The following H2AZ1 variants were observed in gnomAD, a reference collection of about 807,000 sequenced individuals.
H2AZ1 encodes the protein histone H2A.Z.
A neutral mutation model predicts 16.6 loss-of-function variants in H2AZ1; 3 were observed. That is an observed-to-expected ratio of 0.18 (90% CI 0.08 to 0.47). The LOEUF is 0.47. Ranked by LOEUF, H2AZ1 falls within the 20% of genes least tolerant of loss-of-function variation. The pLI is 0.98. For missense variants in H2AZ1, 27 were observed against 163.6 expected (o/e 0.17, Z 4.55); for synonymous variants, 78 against 60.7 (o/e 1.28, Z -1.32).
chr4:99,949,433 T>C (rs759631334), intron 2 of H2AZ1, 47 bp from the exon 3 acceptor site: 10 of 1,260,694 alleles, frequency 7.9e-6, no homozygotes, highest in African/African-American at 1.5e-5. Flanking sequence ...AAATGAGAAC[T>C]AGAGATGGGG....
chr4:99,949,262 C>A lies in H2AZ1; in HGVS notation c.195+11G>T. On this transcript the variant is annotated intron_variant, in intron 3 of 4. Coordinates refer to ENST00000296417, the MANE Select transcript of H2AZ1 (RefSeq NM_002106.4). The stretch of plus-strand genomic sequence containing the variant: ...AAACCTTCTCCGGATTATAGGCGTT[C>A]ACCCATTTACCTCTGCGGTGAGGTA... 6.7e-7 allele frequency: 1 copy of A among 1,498,258 alleles called. No individual in the cohort carries two copies. Among genetic ancestry groups the A allele is most frequent in the South Asian group, 1.1e-5 (1 of 87,276 alleles). The allele number at this position is 1,498,258 out of a possible 1,614,324, so 92.8% of individuals were successfully genotyped here.
chr4:99,949,521 C>T (rs775600508), intron 2 of H2AZ1, 135 bp from the exon 3 acceptor site: 4 of 993,480 alleles, frequency 4.0e-6, no homozygotes, highest in Admixed American at 1.8e-5. Flanking sequence ...TCCTCCCCCC[C>T]ATATTTATCG....
intron 4 of H2AZ1, 118 bp downstream of exon 4, chr4:99,948,693 A>C: frequency 6.8e-7 from 1 of 1,460,886 alleles, no homozygotes; most frequent in South Asian, 1.4e-5. Flanking sequence ...TTCATGATAC[A>C]ACCATACTTC....
At chr4:99,950,094 A>T (rs1261972061) in intron 1 of H2AZ1, 74 bp downstream of exon 1, 2 of 1,482,832 alleles carry the variant, frequency 1.3e-6, no homozygotes. Flanking sequence ...CTTCACCCCC[A>T]TCCCTCTGTG....
chr4:99,948,586 C>T, intron 4 of H2AZ1, 63 bp from the exon 5 acceptor site: 3 of 1,597,390 alleles, frequency 1.9e-6, no homozygotes, highest in Non-Finnish European at 2.6e-6. Flanking sequence ...TATTTGAAAC[C>T]AAGAAAGTGT....
chr4:99,949,276 T>G lies in H2AZ1; in HGVS notation c.192A>C (p.Ala64=), dbSNP rs1190247338. The G allele has an allele frequency of 6.4e-7, 1 of 1,567,074 alleles. No homozygotes were observed. Among genetic ancestry groups the G allele is most frequent in the Non-Finnish European group, 8.8e-7 (1 of 1,138,552 alleles). ...YSAAILEYLT[A]EVLELAGNAS... ...TTATAGGCGTTCACCCATTTACCTC[T>G]GCGGTGAGGTACTCCAGGATGGCTG... The change falls in exon 3 of 5, where the codon GCA becomes GCC. Residue 64 remains alanine, a synonymous_variant. Coordinates refer to ENST00000296417, the MANE Select transcript of H2AZ1 (RefSeq NM_002106.4).
At chr4:99,949,099 C>T in intron 3 of H2AZ1, 159 bp from the exon 4 acceptor site, 1 of 678,468 alleles carries the variant, frequency 1.5e-6, no homozygotes, top group Non-Finnish European at 2.6e-6. Context: ...ATTCCAAGAG[C>T]AGAGAACTCA....
At chr4:99,950,111 G>T (rs915150357) in intron 1 of H2AZ1, 57 bp downstream of exon 1, 11 of 1,589,024 alleles carry the variant, frequency 6.9e-6, no homozygotes, top group Middle Eastern at 3.3e-4. Context: ...TGTGTAACGG[G>T]TTTTTCTCTC....
In H2AZ1 at chr4:99,949,711, T is replaced by A; in HGVS notation, c.33A>T (p.Gly11=). The part of the protein sequence containing the change: MAGGKAGKDS[G]KAKTKAVSRS... ...GGGAAACCGCCTTTGTCTTGGCCTTTCCGGAGTCCTTTCCAGCCTTACCGC... is the reference window on the plus strand; with the variant it reads ...GGGAAACCGCCTTTGTCTTGGCCTTACCGGAGTCCTTTCCAGCCTTACCGC... The change falls in exon 2 of 5, where the codon GGA becomes GGT. Residue 11 remains glycine, a synonymous_variant. Coordinates refer to ENST00000296417, the MANE Select transcript of H2AZ1 (RefSeq NM_002106.4). The A allele has an allele frequency of 1.2e-6, 2 of 1,613,714 alleles. No individual in the cohort carries two copies. The highest frequency in any genetic ancestry group is 1.7e-6 in the Non-Finnish European group (2 of 1,179,852).
chr4:99,949,454 C>A (rs572916303), intron 2 of H2AZ1, 68 bp from the exon 3 acceptor site: 1 of 1,124,306 alleles, frequency 8.9e-7, no homozygotes, highest in Non-Finnish European at 1.4e-6. Context: ...AAATTATATG[C>A]GCGCCAAAGC....
chr4:99,949,236 C>A (rs774965949), intron 3 of H2AZ1, 37 bp downstream of exon 3: 10 of 1,294,830 alleles, frequency 7.7e-6, no homozygotes, highest in Middle Eastern at 1.9e-4. Context: ...CCCCGCCCCC[C>A]AAACCTTCTC....
chr4:99,950,217 A>C lies in H2AZ1; in HGVS notation c.-47T>G, dbSNP rs761283253. 6.3e-7 allele frequency: 1 copy of C among 1,596,708 alleles called. No individual in the cohort carries two copies. Among genetic ancestry groups the C allele is most frequent in the South Asian group, 1.1e-5 (1 of 89,368 alleles). ...AGCAAGCAAGGCAGAGAAAAGGCTA[A>C]TCGGACCCACGGTGAGATCCCACCA... On this transcript the variant is annotated 5_prime_UTR_variant, in exon 1 of 5. Coordinates refer to ENST00000296417, the MANE Select transcript of H2AZ1 (RefSeq NM_002106.4).
chr4:99,949,154 T>C (rs2110233414), intron 3 of H2AZ1, 119 bp downstream of exon 3: 1 of 675,014 alleles, frequency 1.5e-6, no homozygotes, highest in Admixed American at 2.8e-5. Flanking sequence ...TCTAGCGTTC[T>C]CTTAGGCCTC....
intron 3 of H2AZ1, 27 bp downstream of exon 3, chr4:99,949,246 C>G: frequency 7.4e-7 from 1 of 1,359,636 alleles, no homozygotes; most frequent in Non-Finnish European, 1.0e-6. Flanking sequence ...CAAACCTTCT[C>G]CGGATTATAG....
At position 99,948,410 on chromosome 4, in the gene H2AZ1, A is replaced by C; in HGVS notation, c.*52T>G. ...AGTCCACTGGAATCACCAACACTGG[A>C]CAGCTGTTAGAGTATTTAGAGTCCT... is the stretch of plus-strand genomic sequence containing the variant. On this transcript the variant is annotated 3_prime_UTR_variant, in exon 5 of 5. Transcript: ENST00000296417. 6.8e-5 allele frequency: 68 copies of C among 1,002,290 alleles called. No homozygotes were observed. Among genetic ancestry groups the C allele is most frequent in the Non-Finnish European group, 1.0e-4 (62 of 622,414 alleles). 62.1% of individuals were successfully genotyped at this position (1,002,290 alleles called of 1,614,324 possible). A position where few individuals can be genotyped will look rare whatever the true frequency, so the allele number is the denominator to read the frequency against.
Position 99,948,409 on chromosome 4 carries a change from G to T in H2AZ1, c.*53C>A. On this transcript the variant is annotated 3_prime_UTR_variant, in exon 5 of 5. Transcript: ENST00000296417. ...CAGTCCACTGGAATCACCAACACTG[G>T]ACAGCTGTTAGAGTATTTAGAGTCC... 9.6e-7 allele frequency: 1 copy of T among 1,040,092 alleles called. No individual in the cohort carries two copies. Among genetic ancestry groups the T allele is most frequent in the South Asian group, 1.3e-5 (1 of 79,396 alleles). The allele number at this position is 1,040,092 out of a possible 1,614,324, so 64.4% of individuals were successfully genotyped here. A position where few individuals can be genotyped will look rare whatever the true frequency, so the allele number is the denominator to read the frequency against.
intron 2 of H2AZ1, 95 bp downstream of exon 2, chr4:99,949,568 G>A (rs755889881): frequency 8.4e-7 from 1 of 1,189,352 alleles, no homozygotes; most frequent in Non-Finnish European, 1.3e-6. Flanking sequence ...CATCACCCAC[G>A]CATACACAAA....
chr4:99,948,648 G>A (rs932298432), intron 4 of H2AZ1, 125 bp from the exon 5 acceptor site: 7 of 1,486,198 alleles, frequency 4.7e-6, no homozygotes, highest in African/African-American at 2.8e-5. Context: ...CAAGTATGAA[G>A]TAAAAATTCA....
rs377144974 is a variant in H2AZ1 at position 99,950,135 on chromosome 4, C to T, written c.3+33G>A. ...GGTTTTTCTCTCGCCGGCAAAAACC[C>T]GCGGAGTCATCGAGCGTCTCTGCGA... On this transcript the variant is annotated intron_variant, in intron 1 of 4. Transcript: ENST00000296417. The T allele has an allele frequency of 1.2e-5, 19 of 1,606,654 alleles. No homozygotes were observed. In the African/African-American group the frequency reaches 2.3e-4, roughly 19 times the overall value.
Sources: allele counts gnomAD v4.1 joint callset, GRCh38; gene constraint gnomAD v4.1.1; transcripts MANE v1.5; gene names NCBI Gene and HGNC (gene_info 2026-07-23, HGNC 2026-07-21).